Variants in TMCC1 observed in about 807,000 individuals in gnomAD.
TMCC1 encodes the protein transmembrane and coiled-coil domains protein 1.
In TMCC1, 15 loss-of-function variants were observed where a neutral mutation model predicts 52.4. The ratio of observed to expected loss-of-function variants is 0.29; its 90% CI spans 0.19 to 0.44. The LOEUF (loss-of-function observed/expected upper bound fraction) is 0.44. Among genes scored for constraint, TMCC1 ranks in the 20% least tolerant of loss-of-function variants. The pLI, the probability that TMCC1 is intolerant of heterozygous loss-of-function variation, is 1.00. For missense variants in TMCC1, 503 were observed against 806.0 expected, an observed-to-expected ratio of 0.62 and a Z score of 4.55; for synonymous variants, 279 against 301.9, an observed-to-expected ratio of 0.92 and a Z score of 0.79.
intron 1 of TMCC1, among the ~76,000 whole-genome samples, chr3:129,890,678 A>G (rs936432309): frequency 6.6e-6 from 1 of 152,224 alleles, no homozygotes; most frequent in African/African-American, 2.4e-5. Flanking sequence ...AGATACCTAT[A>G]TAACAATTTA....
intron 2 of TMCC1, among the ~76,000 whole-genome samples, chr3:129,851,055 T>C (rs1166158280): frequency 6.6e-6 from 1 of 152,246 alleles, no homozygotes. Context: ...TGCAGAGATT[T>C]TGTTTATGGC....
intron 6 of TMCC1, among the ~76,000 whole-genome samples, chr3:129,654,046 GTGTC>G (rs1399622405): frequency 1.3e-5 from 2 of 151,816 alleles, no homozygotes; most frequent in African/African-American, 4.8e-5. Context: ...CCCAAAAAAA[GTGTC>G]TGTTCTCCTC....
At chr3:129,859,227 T>C (rs1312138144) in intron 2 of TMCC1, among the ~76,000 whole-genome samples, 4 of 152,224 alleles carry the variant, frequency 2.6e-5, no homozygotes, top group Non-Finnish European at 4.4e-5. Context: ...CTTTTCACTA[T>C]AGAAACATTT....
At chr3:129,847,217 C>CATG (rs1213639473) in intron 2 of TMCC1, 5 of 152,120 alleles carry the variant, frequency 3.3e-5, no homozygotes, top group Non-Finnish European at 7.3e-5. Context: ...AGCAAGCAAA[C>CATG]ATGTGACTAC....
chr3:129,890,619 T>C (rs2061923727), intron 1 of TMCC1, among the ~76,000 whole-genome samples: 1 of 152,222 alleles, frequency 6.6e-6, no homozygotes, highest in African/African-American at 2.4e-5. Flanking sequence ...CCCCACTCTC[T>C]GATAGGGACT....
At chr3:129,812,873 G>A (rs1219114087) in intron 4 of TMCC1, among the ~76,000 whole-genome samples, 1 of 152,050 alleles carries the variant, frequency 6.6e-6, no homozygotes, top group Non-Finnish European at 1.5e-5. Flanking sequence ...AACTATCAAA[G>A]AGTAAACAGC....
At chr3:129,801,806 G>A (rs1366802525) in intron 4 of TMCC1, among the ~76,000 whole-genome samples, 1 of 152,082 alleles carries the variant, frequency 6.6e-6, no homozygotes, top group Non-Finnish European at 1.5e-5. Context: ...CTCAAGATTC[G>A]GCCTAAATTC....
At chr3:129,845,832 G>C (rs2059640351) in intron 2 of TMCC1, among the ~76,000 whole-genome samples, 1 of 151,984 alleles carries the variant, frequency 6.6e-6, no homozygotes, top group Non-Finnish European at 1.5e-5. Flanking sequence ...ATCATGTCGA[G>C]ACAAGTCTGG....
rs2049167607 is a variant in TMCC1 at position 129,717,096 on chromosome 3, T to TC, written c.577-45833dup. On this transcript the variant is annotated intron_variant, in intron 4 of 6. Transcript: ENST00000393238. ...GACTCCATTCCCTTCACCAGTTACT[T>TC]CCCCAGTTACTTCTTCCTACTGCAG... Among the ~76,000 whole-genome samples, 3 of 152,208 alleles carry TC rather than the reference T, an allele frequency of 2.0e-5. No homozygotes were observed. The South Asian group carries it at 6.2e-4, about 32-fold the overall frequency.
chr3:129,710,599 A>G (rs147834965), intron 4 of TMCC1, among the ~76,000 whole-genome samples: 43 of 152,334 alleles, frequency 2.8e-4, no homozygotes, highest in Admixed American at 1.4e-3. Flanking sequence ...TTATGACTAT[A>G]CTATGTCTTC....
At chr3:129,767,098 C>T (rs2107692438) in intron 4 of TMCC1, among the ~76,000 whole-genome samples, 1 of 151,632 alleles carries the variant, frequency 6.6e-6, no homozygotes, top group African/African-American at 2.4e-5. Context: ...CCTGTCTCTA[C>T]AAAAATACAA....
intron 2 of TMCC1, among the ~76,000 whole-genome samples, chr3:129,846,745 C>T (rs2059681326): frequency 6.6e-6 from 1 of 151,568 alleles, no homozygotes. Flanking sequence ...TTGAAGAATG[C>T]TGGCCAGGCA....
intron 4 of TMCC1, among the ~76,000 whole-genome samples, chr3:129,693,972 A>G (rs552822284): frequency 6.6e-6 from 1 of 152,324 alleles, no homozygotes; most frequent in African/African-American, 2.4e-5. Flanking sequence ...CTCATTGACA[A>G]ACTACTTTAA....
At chr3:129,779,920 C>T (rs2055380288) in intron 4 of TMCC1, among the ~76,000 whole-genome samples, 1 of 152,136 alleles carries the variant, frequency 6.6e-6, no homozygotes, top group African/African-American at 2.4e-5. Context: ...ACCACTTTGT[C>T]ACTTTAATCC....
intron 2 of TMCC1, among the ~76,000 whole-genome samples, chr3:129,833,227 TTTTTCAAGTAG>T (rs1405972692): frequency 1.3e-5 from 2 of 152,200 alleles, no homozygotes; most frequent in African/African-American, 4.8e-5. Flanking sequence ...AGTAAAATTT[TTTTTCAAGTAG>T]TTTCCTAATC....
rs2086114228 is a variant in TMCC1 at position 129,647,883 on chromosome 3, C to G, written c.*3598G>C. 1 of 152,650 alleles carries G rather than the reference C, an allele frequency of 6.6e-6. No homozygotes were observed. The highest frequency in any genetic ancestry group is 1.5e-5 in the Non-Finnish European group (1 of 68,040). The allele number at this position is 152,650 out of a possible 1,614,324, so 9.5% of individuals were successfully genotyped here. A position where few individuals can be genotyped will look rare whatever the true frequency, so the allele number is the denominator to read the frequency against. The stretch of plus-strand genomic sequence containing the variant: ...CCAGACAGAACATAAATTTAAATCT[C>G]TCTCAACAATTAGCAGCTTAAGATC... On this transcript the variant is annotated 3_prime_UTR_variant, in exon 7 of 7. Coordinates refer to ENST00000393238, the MANE Select transcript of TMCC1 (RefSeq NM_001017395.5).
chr3:129,735,204 G>A (rs2050856302), intron 4 of TMCC1, among the ~76,000 whole-genome samples: 1 of 152,082 alleles, frequency 6.6e-6, no homozygotes, highest in South Asian at 2.1e-4. Flanking sequence ...CCCAGCCTCT[G>A]TTTGAAATAT....
intron 4 of TMCC1, among the ~76,000 whole-genome samples, chr3:129,700,485 CT>C (rs1012604994): frequency 5.4e-5 from 8 of 148,864 alleles, no homozygotes; most frequent in Non-Finnish European, 1.0e-4. Flanking sequence ...TTTTAAAAAT[CT>C]TTTTTTTTTG....
chr3:129,866,059 A>G (rs1039205947), intron 2 of TMCC1, among the ~76,000 whole-genome samples: 1 of 151,994 alleles, frequency 6.6e-6, no homozygotes, highest in African/African-American at 2.4e-5. Context: ...CAACAACAGA[A>G]TAAGATATGC....
Sources: gnomAD v4.1 joint callset for allele counts (sites outside exome capture counted in the v4.1 genomes callset) on GRCh38, gnomAD v4.1.1 for gene constraint, MANE v1.5 for transcripts, NCBI Gene and HGNC (gene_info 2026-07-23, HGNC 2026-07-21) for gene names.